Variants in ETV5 observed in about 807,000 individuals in gnomAD.
ETV5 encodes ETS variant transcription factor 5, also known as ETS translocation variant 5.
In ETV5, 10 loss-of-function variants were observed where a neutral mutation model predicts 70.0. That is an observed-to-expected ratio of 0.14 (90% CI 0.09 to 0.24). The LOEUF is 0.24. ETV5 is among the 10% of genes least tolerant of loss of function. ETV5 has a pLI of 1.00. For missense variants in ETV5, 453 were observed against 651.2 expected (o/e 0.70, Z 3.31); for synonymous variants, 216 against 242.2 (o/e 0.89, Z 1.01).
intron 5 of ETV5, among the ~76,000 whole-genome samples, chr3:186,095,575 C>A (rs1714284487): frequency 6.6e-6 from 1 of 152,206 alleles, no homozygotes; most frequent in African/African-American, 2.4e-5. Flanking sequence ...TATAGCCCCA[C>A]TTCTCCTAAA....
chr3:186,077,772 A>G (rs1331738968), intron 7 of ETV5, among the ~76,000 whole-genome samples: 1 of 152,206 alleles, frequency 6.6e-6, no homozygotes. Context: ...AGCACTCTTG[A>G]GTGGAAATCC....
intron 7 of ETV5, among the ~76,000 whole-genome samples, chr3:186,071,957 A>G (rs576654552): frequency 3.9e-4 from 59 of 151,530 alleles, no homozygotes; most frequent in Admixed American, 2.8e-3. Context: ...GCCACCACAC[A>G]TGGCTAATTT....
chr3:186,066,738 T>C (rs765294157), intron 7 of ETV5, among the ~76,000 whole-genome samples: 4 of 152,246 alleles, frequency 2.6e-5, no homozygotes, highest in African/African-American at 4.8e-5. Context: ...GACAAAATGA[T>C]TCTAAACTTT....
At position 186,065,889 on chromosome 3, in the gene ETV5, C is replaced by T. The variant is rs1560047646; in HGVS notation, c.834G>A (p.Met278Ile). ...GGAACCCGTGTGCTGGGGGCCCTGG[C>T]ATGCCCGGGACCCCATGTTCATAGA... ...DPLYEHGVPG[M>I]PGPPAHGFQS... Residue 278 changes from methionine to isoleucine, a missense_variant, in exon 8 of 13, where the codon ATG (methionine) becomes ATA (isoleucine). By Grantham distance (10) the Met-to-Ile change is conservative. Transcript: ENST00000306376. 9 of 1,614,014 alleles carry T rather than the reference C, an allele frequency of 5.6e-6. No individual in the cohort carries two copies. Among genetic ancestry groups the T allele is most frequent in the Non-Finnish European group, 6.8e-6 (8 of 1,180,006 alleles).
intron 11 of ETV5, among the ~76,000 whole-genome samples, chr3:186,055,385 C>A (rs1249247795): frequency 6.6e-6 from 1 of 152,114 alleles, no homozygotes; most frequent in African/African-American, 2.4e-5. Flanking sequence ...AGGCATGGGT[C>A]GGCGTGGGGT....
At chr3:186,060,004 C>T (rs1346111031) in intron 9 of ETV5, among the ~76,000 whole-genome samples, 7 of 152,202 alleles carry the variant, frequency 4.6e-5, no homozygotes, top group Non-Finnish European at 8.8e-5. Flanking sequence ...ACAAGACTTT[C>T]ATAATCCACT....
At chr3:186,079,076 C>A in intron 7 of ETV5, 2 of 1,063,286 alleles carry the variant, frequency 1.9e-6, no homozygotes. Flanking sequence ...TTGACAACTA[C>A]CCCCCTATCC....
chr3:186,087,910 A>G (rs1341427661), intron 5 of ETV5, among the ~76,000 whole-genome samples: 2 of 152,154 alleles, frequency 1.3e-5, no homozygotes, highest in Non-Finnish European at 2.9e-5. Context: ...CATAATCATC[A>G]AAGTTTCAAT....
intron 5 of ETV5, among the ~76,000 whole-genome samples, chr3:186,097,931 A>T (rs959028105): frequency 6.6e-6 from 1 of 152,204 alleles, no homozygotes; most frequent in Non-Finnish European, 1.5e-5. Flanking sequence ...CCCTCCATTC[A>T]CAACCAATTT....
chr3:186,075,115 T>G (rs1713749431), intron 7 of ETV5, among the ~76,000 whole-genome samples: 1 of 152,122 alleles, frequency 6.6e-6, no homozygotes, highest in African/African-American at 2.4e-5. Flanking sequence ...ACAGTAAACA[T>G]GATGAAATGC....
At chr3:186,089,809 A>G (rs988177185) in intron 5 of ETV5, among the ~76,000 whole-genome samples, 4 of 152,252 alleles carry the variant, frequency 2.6e-5, no homozygotes, top group Non-Finnish European at 2.9e-5. Context: ...GTGTGATTTT[A>G]AATTGAATCC....
intron 5 of ETV5, among the ~76,000 whole-genome samples, chr3:186,088,629 A>T (rs1714112160): frequency 6.6e-6 from 1 of 152,186 alleles, no homozygotes; most frequent in Non-Finnish European, 1.5e-5. Context: ...GAACACAGGG[A>T]AAGAAGGTAG....
intron 6 of ETV5, 64 bp downstream of exon 6, chr3:186,080,982 A>G: frequency 3.3e-6 from 5 of 1,533,838 alleles, no homozygotes; most frequent in Non-Finnish European, 4.4e-6. Context: ...AGGAACATTC[A>G]GCTTGATGGC....
At chr3:186,106,811 G>T in intron 1 of ETV5, 1 of 319,318 alleles carries the variant, frequency 3.1e-6, no homozygotes, top group Non-Finnish European at 4.5e-6. Context: ...GGGGTTAGAA[G>T]GGAGAAAACT....
At chr3:186,060,299 TA>T (rs1293364763) in intron 9 of ETV5, among the ~76,000 whole-genome samples, 3 of 152,230 alleles carry the variant, frequency 2.0e-5, no homozygotes, top group African/African-American at 7.2e-5. Flanking sequence ...GGTCTGCCTA[TA>T]AGAAGTATCA....
chr3:186,051,810 T>C (rs1480934468), intron 12 of ETV5, among the ~76,000 whole-genome samples: 13 of 152,234 alleles, frequency 8.5e-5, no homozygotes, highest in Admixed American at 8.5e-4. Context: ...GTGTTCTGCA[T>C]GCAACTTCTA....
In ETV5 at chr3:186,105,545, G is replaced by A; in HGVS notation, c.134-49C>T. On this transcript the variant is annotated intron_variant, in intron 3 of 12. Coordinates refer to ENST00000306376, the MANE Select transcript of ETV5 (RefSeq NM_004454.3). The surrounding 1 kb of genome is among the most constrained non-coding windows in gnomAD (Gnocchi z 4.5). The stretch of plus-strand genomic sequence containing the variant: ...AGAATGAGGATATTTCTTTCGCTAG[G>A]GAGAAGACAGGGAAGAATCTACACG... The A allele has an allele frequency of 6.2e-7, 1 of 1,612,020 alleles. No individual in the cohort carries two copies. Among genetic ancestry groups the A allele is most frequent in the Non-Finnish European group, 8.5e-7 (1 of 1,178,256 alleles).
At chr3:186,073,235 C>T (rs929431506) in intron 7 of ETV5, among the ~76,000 whole-genome samples, 3 of 152,212 alleles carry the variant, frequency 2.0e-5, no homozygotes, top group African/African-American at 7.2e-5. Context: ...AATGAAGTTT[C>T]TCAGTTTGCG....
Position 186,087,838 on chromosome 3 carries a change from AT to A in ETV5, c.233-6664del, listed in dbSNP as rs200220422. 9.0e-3 allele frequency among the ~76,000 whole-genome samples: 1,291 copies of A among 143,036 alleles called. 10 individuals carry two copies. Among genetic ancestry groups the A allele is most frequent in the African/African-American group, 0.017 (658 of 39,072 alleles). 93.8% of individuals were successfully genotyped at this position (143,036 alleles called of 152,430 possible). A position where few individuals can be genotyped will look rare whatever the true frequency, so the allele number is the denominator to read the frequency against. Reference sequence around the variant, plus strand: ...ATGAGCAACAGTTCCATTCAAAAGCATTTTTTTTTTTTTTAAGAAAGACGAA... The same window carrying A: ...ATGAGCAACAGTTCCATTCAAAAGCATTTTTTTTTTTTTAAGAAAGACGAA... On this transcript the variant is annotated intron_variant, in intron 5 of 12. Transcript: ENST00000306376.
Sources: allele counts gnomAD v4.1 joint callset (sites outside exome capture counted in the v4.1 genomes callset), GRCh38; gene constraint gnomAD v4.1.1; non-coding constraint Gnocchi (gnomAD v3.1); transcripts MANE v1.5; gene names NCBI Gene and HGNC (gene_info 2026-07-23, HGNC 2026-07-21).